GRID2IP: variants seen among roughly 807,000 people sequenced by gnomAD.
GRID2IP encodes the protein delphilin.
Under a neutral mutation model 114.3 loss-of-function variants are expected in GRID2IP, and 78 were observed. That is an observed-to-expected ratio of 0.68 (90% CI 0.57 to 0.82). The LOEUF (loss-of-function observed/expected upper bound fraction) is 0.82, where lower values mean the gene tolerates loss of function less well. Ranked by LOEUF, GRID2IP falls within the 40% of genes least tolerant of loss-of-function variation. The pLI is 0.00. For missense variants in GRID2IP, 1,727 were observed against 1,678.5 expected (o/e 1.03, Z -0.51); for synonymous variants, 809 against 724.0 (o/e 1.12, Z -1.89).
chr7:6,535,029 G>C (rs551880341), intron 2 of GRID2IP, among the ~76,000 whole-genome samples: 4 of 152,346 alleles, frequency 2.6e-5, no homozygotes, highest in Admixed American at 1.3e-4. Flanking sequence ...GGGATTACAG[G>C]CATGCGCCAC....
Position 6,520,827 on chromosome 7 carries a change from TG to T in GRID2IP, c.1085-67del, listed in dbSNP as rs774391679. On this transcript the variant is annotated intron_variant, in intron 6 of 21. Transcript: ENST00000457091. This position sits in a 1 kb window ranked among gnomAD's most constrained non-coding sequence, Gnocchi z 4.6. ...GTCCCCAGGCCAGGTGTAGTCTCCC[TG>T]GCTTTTGAGGTCAGGAGACCTCCTG... 257 of 1,462,898 alleles carry T rather than the reference TG, an allele frequency of 1.8e-4. No individual in the cohort carries two copies. The highest frequency in any genetic ancestry group is 2.2e-4 in the Non-Finnish European group (238 of 1,084,322). The allele number at this position is 1,462,898 out of a possible 1,614,324, so 90.6% of individuals were successfully genotyped here. A position where few individuals can be genotyped will look rare whatever the true frequency, so the allele number is the denominator to read the frequency against.
chr7:6,531,117 C>G, intron 2 of GRID2IP: 1 of 530,040 alleles, frequency 1.9e-6, no homozygotes, highest in Non-Finnish European at 3.3e-6. Context: ...AGCCGGGGAC[C>G]GCGGCGCGGC....
At chr7:6,524,528 A>G (rs1779471886) in intron 4 of GRID2IP, among the ~76,000 whole-genome samples, 1 of 152,082 alleles carries the variant, frequency 6.6e-6, no homozygotes, top group South Asian at 2.1e-4. Context: ...GGCAGGAAGA[A>G]AGGGATTCTT....
intron 8 of GRID2IP, among the ~76,000 whole-genome samples, chr7:6,511,672 C>T (rs1779163415): frequency 6.6e-6 from 1 of 151,454 alleles, no homozygotes; most frequent in South Asian, 2.1e-4. Flanking sequence ...TGCTCCCGGC[C>T]AAAATAGAAG....
intron 20 of GRID2IP, among the ~76,000 whole-genome samples, chr7:6,501,485 C>A (rs1374611660): frequency 6.6e-6 from 1 of 152,112 alleles, no homozygotes; most frequent in East Asian, 1.9e-4. Flanking sequence ...GCAGATCACT[C>A]GAGCCCAGGA....
In GRID2IP at chr7:6,508,222, G is replaced by T; in HGVS notation, c.2307C>A (p.Pro769=). 6.6e-7 allele frequency: 1 copy of T among 1,526,008 alleles called. No individual in the cohort carries two copies. The allele number at this position is 1,526,008 out of a possible 1,614,324, so 94.5% of individuals were successfully genotyped here. ...GGGAACCATCAGAGCTGCGGGAGCT[G>T]GGCTTAGCGTCATGGAAAGGCAGGG... The part of the protein sequence containing the change: ...PPPLPFHDAK[P]SSRSSDGSRG... The change falls in exon 13 of 22, where the codon CCC becomes CCA. Residue 769 remains proline (P), a synonymous_variant. Transcript: ENST00000457091. The surrounding 1 kb of genome is among the most constrained non-coding windows in gnomAD (Gnocchi z 5.6).
intron 2 of GRID2IP, among the ~76,000 whole-genome samples, chr7:6,530,521 C>G (rs1304634350): frequency 8.9e-5 from 12 of 134,312 alleles, no homozygotes; most frequent in African/African-American, 2.8e-4. Context: ...CCCCCCACCC[C>G]CCTCGCCCTC....
chr7:6,518,554 G>A (rs1216666344), intron 7 of GRID2IP, among the ~76,000 whole-genome samples: 1 of 151,930 alleles, frequency 6.6e-6, no homozygotes, highest in Admixed American at 6.6e-5. Context: ...TGGCCAACAT[G>A]GTGAAACCCT....
At chr7:6,529,421 A>C (rs530670328) in intron 2 of GRID2IP, among the ~76,000 whole-genome samples, 2 of 152,106 alleles carry the variant, frequency 1.3e-5, no homozygotes, top group Non-Finnish European at 2.9e-5. Flanking sequence ...ACTGCACTCC[A>C]GCCTGGGCAA....
chr7:6,509,838 T>C lies in GRID2IP; in HGVS notation c.1771+445A>G, dbSNP rs1786713177. On this transcript the variant is annotated intron_variant, in intron 11 of 21. Transcript: ENST00000457091. The surrounding 1 kb of genome is among the most constrained non-coding windows in gnomAD (Gnocchi z 4.9). The stretch of plus-strand genomic sequence containing the variant: ...ATCAGGCATCTGCCTTCTTTCTTTT[T>C]CTTTTTTAAGACAGGGTCTTACTCT... Among the ~76,000 whole-genome samples, 1 of 152,230 alleles carries C rather than the reference T, an allele frequency of 6.6e-6. No individual in the cohort carries two copies. The highest frequency in any genetic ancestry group is 6.5e-5 in the Admixed American group (1 of 15,280).
rs1309977246 is a variant in GRID2IP at position 6,536,141 on chromosome 7, G to GT, written c.584+3576dup. Among the ~76,000 whole-genome samples the GT allele has an allele frequency of 6.6e-6, 1 of 152,310 alleles. No individual in the cohort carries two copies. The highest frequency in any genetic ancestry group is 1.9e-4 in the East Asian group (1 of 5,168). ...AGGCCAGCACACTATGGGGCCATGG[G>GT]TGACTGGCCAGCCCTGGGGAGGGGG... is the stretch of plus-strand genomic sequence containing the variant. On this transcript the variant is annotated intron_variant, in intron 2 of 21. Coordinates refer to ENST00000457091, the MANE Select transcript of GRID2IP (RefSeq NM_001145118.2). This position sits in a 1 kb window ranked among gnomAD's most constrained non-coding sequence, Gnocchi z 5.3.
chr7:6,508,506 C>T lies in GRID2IP; in HGVS notation c.2128-105G>A. 1 of 1,510,796 alleles carries T rather than the reference C, an allele frequency of 6.6e-7. No individual in the cohort carries two copies. The highest frequency in any genetic ancestry group is 8.9e-7 in the Non-Finnish European group (1 of 1,128,278). The allele number at this position is 1,510,796 out of a possible 1,614,324, so 93.6% of individuals were successfully genotyped here. On this transcript the variant is annotated intron_variant, in intron 12 of 21. Transcript: ENST00000457091. The surrounding 1 kb of genome is among the most constrained non-coding windows in gnomAD (Gnocchi z 5.6). The stretch of plus-strand genomic sequence containing the variant: ...GGATAGCCTGGGACAAGGACAGGGC[C>T]ATCTCACGGGTTAGCCTCAGGCTGT...
At chr7:6,512,574 G>A (rs1450952350) in intron 8 of GRID2IP, among the ~76,000 whole-genome samples, 1 of 150,572 alleles carries the variant, frequency 6.6e-6, no homozygotes, top group African/African-American at 2.4e-5. Flanking sequence ...GTAGTGGTGC[G>A]ATCTCAGCTC....
Position 6,549,910 on chromosome 7 carries a change from C to T in GRID2IP, c.429+1098G>A, listed in dbSNP as rs868298436. ...CCTCCCAAAGTGCTGGGATTACAGG[C>T]GTGAGCCACCTCACCCCACTGGCTC... is the stretch of plus-strand genomic sequence containing the variant. On this transcript the variant is annotated intron_variant, in intron 1 of 21. Transcript: ENST00000457091. 3.3e-5 allele frequency among the ~76,000 whole-genome samples: 5 copies of T among 151,828 alleles called. No homozygotes were observed. The South Asian group carries it at 6.2e-4, about 19-fold the overall frequency.
chr7:6,508,163 G>T lies in GRID2IP; in HGVS notation c.2366C>A (p.Thr789Asn). 6.6e-7 allele frequency: 1 copy of T among 1,510,724 alleles called. No individual in the cohort carries two copies. The highest frequency in any genetic ancestry group is 8.9e-7 in the Non-Finnish European group (1 of 1,129,588). The allele number at this position is 1,510,724 out of a possible 1,614,324, so 93.6% of individuals were successfully genotyped here. A position where few individuals can be genotyped will look rare whatever the true frequency, so the allele number is the denominator to read the frequency against. Reference protein sequence around the residue: ...GPAQALAKPLTQLSHPVPPPP... With the variant: ...GPAQALAKPLNQLSHPVPPPP... ...TGGAGGGACTGGGTGGCTGAGTTGGGTGAGGGGCTTGGCCAGCGCCTGAGC... is the reference window on the plus strand; with the variant it reads ...TGGAGGGACTGGGTGGCTGAGTTGGTTGAGGGGCTTGGCCAGCGCCTGAGC... Residue 789 changes from threonine to asparagine, a missense_variant, in exon 13 of 22, where the codon ACC (threonine) becomes AAC (asparagine). By Grantham distance (65) the Thr-to-Asn change is moderately conservative. Coordinates refer to ENST00000457091, the MANE Select transcript of GRID2IP (RefSeq NM_001145118.2). This position sits in a 1 kb window ranked among gnomAD's most constrained non-coding sequence, Gnocchi z 5.6.
chr7:6,512,225 T>TTTC (rs1218536317), intron 8 of GRID2IP, among the ~76,000 whole-genome samples: 2 of 132,486 alleles, frequency 1.5e-5, no homozygotes, highest in South Asian at 2.4e-4. Flanking sequence ...CTTTTTTTCT[T>TTTC]TTCTTCTTTT....
chr7:6,545,481 G>A (rs1779873187), intron 1 of GRID2IP, among the ~76,000 whole-genome samples: 1 of 152,146 alleles, frequency 6.6e-6, no homozygotes, highest in African/African-American at 2.4e-5. Context: ...TCGATCTTCA[G>A]CCGAGAGCTC....
rs546206761 is a variant in GRID2IP, at chr7:6,509,951, C to G, written c.1771+332G>C. ...TCAAGTGATCCTCCCGCCTCAGCCT[C>G]TTGAGGAGTTGGGACTACAGGCATA... On this transcript the variant is annotated intron_variant, in intron 11 of 21. Coordinates refer to ENST00000457091, the MANE Select transcript of GRID2IP (RefSeq NM_001145118.2). The surrounding 1 kb of genome is among the most constrained non-coding windows in gnomAD (Gnocchi z 4.9). Among the ~76,000 whole-genome samples, 256 of 152,294 alleles carry G rather than the reference C, an allele frequency of 1.7e-3. No individual in the cohort carries two copies. Among genetic ancestry groups the G allele is most frequent in the Non-Finnish European group, 2.7e-3 (181 of 68,028 alleles).
In GRID2IP at chr7:6,523,263, C is replaced by T. The variant is rs933770090; in HGVS notation, c.920-1306G>A. Among the ~76,000 whole-genome samples the T allele has an allele frequency of 3.9e-5, 6 of 152,186 alleles. No homozygotes were observed. The highest frequency in any genetic ancestry group is 1.9e-4 in the East Asian group (1 of 5,176). Reference sequence around the variant, plus strand: ...GAGGGAACAATTAGGGAAGACTTCCCGGGAGAGGCGAGATGGGGGAAGTCC... The same window carrying T: ...GAGGGAACAATTAGGGAAGACTTCCTGGGAGAGGCGAGATGGGGGAAGTCC... On this transcript the variant is annotated intron_variant, in intron 4 of 21. Coordinates refer to ENST00000457091, the MANE Select transcript of GRID2IP (RefSeq NM_001145118.2). The surrounding 1 kb of genome is among the most constrained non-coding windows in gnomAD (Gnocchi z 4.5).
Sources: gnomAD v4.1 joint callset for allele counts (sites outside exome capture counted in the v4.1 genomes callset) on GRCh38, gnomAD v4.1.1 for gene constraint, Gnocchi (gnomAD v3.1) non-coding constraint, MANE v1.5 for transcripts, NCBI Gene and HGNC (gene_info 2026-07-23, HGNC 2026-07-21) for gene names.